The following TTC7B variants were observed in gnomAD, a reference collection of about 807,000 sequenced individuals.
TTC7B encodes tetratricopeptide repeat protein 7B.
Under a neutral mutation model 106.8 loss-of-function variants are expected in TTC7B, and 28 were observed. The ratio of observed to expected loss-of-function variants is 0.26; its 90% CI spans 0.19 to 0.36. The LOEUF (loss-of-function observed/expected upper bound fraction) is 0.36, where lower values mean the gene tolerates loss of function less well. Among genes scored for constraint, TTC7B ranks in the 10% least tolerant of loss-of-function variants. The pLI is 1.00. For synonymous variants in TTC7B, 405 were observed against 430.6 expected, an observed-to-expected ratio of 0.94 and a Z score of 0.74; for missense variants, 862 against 1,076.4, an observed-to-expected ratio of 0.80 and a Z score of 2.79.
chr14:90,572,551 C>T (rs148675295), intron 19 of TTC7B, among the ~76,000 whole-genome samples: 114 of 152,314 alleles, frequency 7.5e-4, no homozygotes, highest in African/African-American at 2.5e-3. Flanking sequence ...AGCCAGTCCT[C>T]AAGTTTTTAT....
rs1479514323 is a variant in TTC7B, at chr14:90,526,978, C to T, written c.*14390G>A. On this transcript the variant is annotated 3_prime_UTR_variant, in exon 20 of 20. Coordinates refer to ENST00000328459, the MANE Select transcript of TTC7B (RefSeq NM_001010854.2). ...TATTTAGCTATGTCTTCATGGGCTT[C>T]TCTGGTTTTCGTCAGTTTCTTAGAC... 2 of 152,154 alleles carry T rather than the reference C, an allele frequency of 1.3e-5. No homozygotes were observed. Among genetic ancestry groups the T allele is most frequent in the African/African-American group, 4.8e-5 (2 of 41,408 alleles). The allele number at this position is 152,154 out of a possible 1,614,324, so 9.4% of individuals were successfully genotyped here. A position where few individuals can be genotyped will look rare whatever the true frequency, so the allele number is the denominator to read the frequency against.
At chr14:90,694,630 ATATTTATAACACATATGTCACATATATT>A (rs1394891361) in intron 6 of TTC7B, among the ~76,000 whole-genome samples, 24 of 146,806 alleles carry the variant, frequency 1.6e-4, no homozygotes, top group East Asian at 3.9e-4. Flanking sequence ...TATGTCACAT[ATATTTATAACACATATGTCACATATATT>A]TATTATAAAT....
chr14:90,559,962 C>G (rs1365848320), intron 19 of TTC7B, among the ~76,000 whole-genome samples: 1 of 152,228 alleles, frequency 6.6e-6, no homozygotes, highest in Non-Finnish European at 1.5e-5. Flanking sequence ...CTGGGCAATT[C>G]CAGGGCTCGT....
At chr14:90,543,137 A>G (rs1247078200) in intron 19 of TTC7B, among the ~76,000 whole-genome samples, 3 of 152,208 alleles carry the variant, frequency 2.0e-5, no homozygotes, top group East Asian at 1.9e-4. Context: ...ATCTGCTACC[A>G]TAATTTCCCA....
intron 5 of TTC7B, among the ~76,000 whole-genome samples, chr14:90,701,179 T>A (rs1214691247): frequency 6.6e-6 from 1 of 151,988 alleles, no homozygotes; most frequent in Non-Finnish European, 1.5e-5. Context: ...CACGCCGAGA[T>A]GAGAACAAGC....
At chr14:90,602,204 GGGT>G in intron 17 of TTC7B, 1 of 456,006 alleles carries the variant, frequency 2.2e-6, no homozygotes, top group African/African-American at 2.0e-5. Flanking sequence ...TGATTTCCTA[GGGT>G]GGAAAAAACG....
chr14:90,546,760 C>T (rs540016865), intron 19 of TTC7B, among the ~76,000 whole-genome samples: 1 of 152,360 alleles, frequency 6.6e-6, no homozygotes, highest in South Asian at 2.1e-4. Flanking sequence ...CAACAAAACC[C>T]ACCGAGTGAT....
At chr14:90,584,655 C>CTGA (rs1566783429) in intron 18 of TTC7B, among the ~76,000 whole-genome samples, 1 of 152,084 alleles carries the variant, frequency 6.6e-6, no homozygotes, top group Non-Finnish European at 1.5e-5. Context: ...GATCTTCTAC[C>CTGA]TCACCTGCGC....
intron 15 of TTC7B, among the ~76,000 whole-genome samples, chr14:90,628,995 G>C (rs1402733269): frequency 2.0e-5 from 3 of 152,262 alleles, no homozygotes; most frequent in South Asian, 2.1e-4. Flanking sequence ...ACATCTCACT[G>C]TGTGCTGCGT....
intron 9 of TTC7B, among the ~76,000 whole-genome samples, chr14:90,662,487 G>A (rs1022807998): frequency 6.6e-6 from 1 of 152,212 alleles, no homozygotes; most frequent in Non-Finnish European, 1.5e-5. Context: ...GGCTCCTCCT[G>A]TAACAACCCT....
chr14:90,600,082 C>T lies in TTC7B; in HGVS notation c.1967-6456G>A, dbSNP rs1234612049. On this transcript the variant is annotated intron_variant, in intron 17 of 19. Coordinates refer to ENST00000328459, the MANE Select transcript of TTC7B (RefSeq NM_001010854.2). This position sits in a 1 kb window ranked among gnomAD's most constrained non-coding sequence, Gnocchi z 4.3. ...CCTGGGGGCTGAGGACGGGAGGAGG[C>T]GAAGGAGTTAGTGTTGACTGTCTCT... Among the ~76,000 whole-genome samples, 2 of 152,016 alleles carry T rather than the reference C, an allele frequency of 1.3e-5. No individual in the cohort carries two copies. The highest frequency in any genetic ancestry group is 2.4e-5 in the African/African-American group (1 of 41,388).
chr14:90,567,698 A>G (rs1021906365), intron 19 of TTC7B: 19 of 152,168 alleles, frequency 1.2e-4, no homozygotes, highest in Admixed American at 1.2e-3. Flanking sequence ...TGGGTTGGCC[A>G]CTCACTGCTC....
intron 1 of TTC7B, among the ~76,000 whole-genome samples, chr14:90,803,129 C>G (rs375119032): frequency 6.6e-6 from 1 of 151,174 alleles, no homozygotes; most frequent in African/African-American, 2.4e-5. Flanking sequence ...GGTGACAGAG[C>G]GAGACTCCGA....
chr14:90,765,049 A>G (rs994607288), intron 3 of TTC7B, among the ~76,000 whole-genome samples: 1 of 152,242 alleles, frequency 6.6e-6, no homozygotes, highest in Non-Finnish European at 1.5e-5. Flanking sequence ...CAAATAATAG[A>G]AATAACCTGC....
chr14:90,589,412 C>T (rs2139817471), intron 18 of TTC7B, among the ~76,000 whole-genome samples: 1 of 152,320 alleles, frequency 6.6e-6, no homozygotes, highest in Non-Finnish European at 1.5e-5. Flanking sequence ...GCACATCCTC[C>T]TGTGTGTTTT....
intron 16 of TTC7B, among the ~76,000 whole-genome samples, chr14:90,616,511 G>C (rs956636600): frequency 6.6e-6 from 1 of 152,020 alleles, no homozygotes; most frequent in African/African-American, 2.4e-5. Flanking sequence ...CTTCCAGCTG[G>C]GGGGGAGGTG....
intron 6 of TTC7B, among the ~76,000 whole-genome samples, chr14:90,690,288 A>G (rs1887419532): frequency 6.6e-6 from 1 of 152,174 alleles, no homozygotes; most frequent in East Asian, 1.9e-4. Context: ...AGAGGTTTTC[A>G]CTGGCCTTGT....
chr14:90,730,277 C>T, intron 4 of TTC7B, 81 bp from the exon 5 acceptor site: 4 of 1,498,606 alleles, frequency 2.7e-6, no homozygotes, highest in East Asian at 4.7e-5. Flanking sequence ...AAATGTACTG[C>T]TCGACCTAAA....
chr14:90,573,037 C>A, intron 19 of TTC7B, among the ~76,000 whole-genome samples: 1 of 152,100 alleles, frequency 6.6e-6, no homozygotes, highest in Non-Finnish European at 1.5e-5. Context: ...TTCCTTGGGG[C>A]GGGGGTTGGG....
Sources: gnomAD v4.1 joint callset for allele counts (sites outside exome capture counted in the v4.1 genomes callset) on GRCh38, gnomAD v4.1.1 for gene constraint, Gnocchi (gnomAD v3.1) non-coding constraint, MANE v1.5 for transcripts, NCBI Gene and HGNC (gene_info 2026-07-23, HGNC 2026-07-21) for gene names.